KCNH7: variants seen among roughly 807,000 people sequenced by gnomAD.
KCNH7 encodes the protein potassium voltage-gated channel subfamily H member 7, also known as voltage-gated inwardly rectifying potassium channel KCNH7.
A neutral mutation model predicts 120.8 loss-of-function variants in KCNH7; 49 were observed. That is an observed-to-expected ratio of 0.41 (90% CI 0.32 to 0.51). KCNH7 has a LOEUF of 0.51. KCNH7 is among the 20% of genes least tolerant of loss of function. The probability of loss-of-function intolerance (pLI) is 0.38; values close to 1 mark genes in which losing one functional copy is unlikely to be tolerated. For missense variants in KCNH7, 1,097 were observed against 1,446.6 expected (o/e 0.76, Z 3.92); for synonymous variants, 547 against 516.1 (o/e 1.06, Z -0.81).
chr2:162,373,219 T>TA (rs199565037), intron 15 of KCNH7, among the ~76,000 whole-genome samples: 2,520 of 152,102 alleles, frequency 0.017, 35 homozygotes, highest in African/African-American at 0.019. Context: ...GTTTTCCTTT[T>TA]AAAAAAAATG....
At chr2:162,466,925 G>C (rs902655619) in intron 6 of KCNH7, among the ~76,000 whole-genome samples, 33 of 152,152 alleles carry the variant, frequency 2.2e-4, no homozygotes, top group Non-Finnish European at 4.3e-4. Context: ...AAAATGAAGA[G>C]AGGCATCAAT....
intron 14 of KCNH7, among the ~76,000 whole-genome samples, chr2:162,376,400 C>G (rs1686183802): frequency 6.8e-6 from 1 of 147,100 alleles, no homozygotes; most frequent in South Asian, 2.1e-4. Flanking sequence ...GAGTCTTGCT[C>G]TGTCGCCCAG....
intron 2 of KCNH7, among the ~76,000 whole-genome samples, chr2:162,633,708 G>A (rs967787531): frequency 4.0e-4 from 60 of 151,810 alleles, no homozygotes; most frequent in African/African-American, 1.5e-3. Context: ...CATTTTGAAT[G>A]CATCCATTTT....
intron 2 of KCNH7, among the ~76,000 whole-genome samples, chr2:162,822,861 T>C (rs1685161885): frequency 6.6e-6 from 1 of 152,166 alleles, no homozygotes; most frequent in African/African-American, 2.4e-5. Flanking sequence ...AGGATTGAGG[T>C]GTCAAAGGCA....
rs553137466 is a variant in KCNH7 at position 162,812,868 on chromosome 2, G to A, written c.307+23669C>T. Among the ~76,000 whole-genome samples the A allele has an allele frequency of 5.9e-4, 90 of 152,208 alleles. 1 individual carries two copies. The highest frequency in any genetic ancestry group is 1.8e-3 in the African/African-American group (74 of 41,564). The stretch of plus-strand genomic sequence containing the variant: ...AGTTGACCGGAGTGTATTTCAGGAA[G>A]GACTAGATGACCTTGGAGTAACTGG... On this transcript the variant is annotated intron_variant, in intron 2 of 15. Coordinates refer to ENST00000332142, the MANE Select transcript of KCNH7 (RefSeq NM_033272.4).
intron 7 of KCNH7, among the ~76,000 whole-genome samples, chr2:162,436,274 T>C (rs1688234911): frequency 6.6e-6 from 1 of 152,042 alleles, no homozygotes. Context: ...AGCCCCTTCT[T>C]CCCATAACTG....
chr2:162,620,896 C>G (rs80093065), intron 2 of KCNH7, among the ~76,000 whole-genome samples: 2 of 152,020 alleles, frequency 1.3e-5, no homozygotes, highest in Non-Finnish European at 2.9e-5. Flanking sequence ...ACAGATTATC[C>G]GAACTGGGAC....
intron 2 of KCNH7, among the ~76,000 whole-genome samples, chr2:162,616,419 C>T (rs570152918): frequency 4.7e-4 from 72 of 152,272 alleles, no homozygotes; most frequent in African/African-American, 1.7e-3. Flanking sequence ...GAGAAGTAAA[C>T]TGAACTTTAG....
chr2:162,482,036 T>C (rs1169219126), intron 6 of KCNH7, among the ~76,000 whole-genome samples: 1 of 152,142 alleles, frequency 6.6e-6, no homozygotes, highest in African/African-American at 2.4e-5. Context: ...TTTTTCATCA[T>C]CATCATTATC....
intron 2 of KCNH7, among the ~76,000 whole-genome samples, chr2:162,784,408 T>G (rs1028876920): frequency 1.1e-4 from 17 of 152,244 alleles, no homozygotes; most frequent in African/African-American, 3.9e-4. Flanking sequence ...TGTTCCTTCC[T>G]TCAACCTCTG....
chr2:162,492,491 T>C (rs56355842), intron 6 of KCNH7, among the ~76,000 whole-genome samples: 13,239 of 152,216 alleles, frequency 0.087, 1,885 homozygotes, highest in African/African-American at 0.3. Flanking sequence ...AATACCTTTG[T>C]GACTTTTTAC....
chr2:162,496,479 T>C (rs1690503103), intron 6 of KCNH7, among the ~76,000 whole-genome samples: 1 of 152,094 alleles, frequency 6.6e-6, no homozygotes, highest in Non-Finnish European at 1.5e-5. Context: ...CTTAGATATA[T>C]AGAAGCCTTT....
At chr2:162,445,791 G>T (rs560695840) in intron 7 of KCNH7, among the ~76,000 whole-genome samples, 10 of 152,228 alleles carry the variant, frequency 6.6e-5, no homozygotes, top group African/African-American at 2.4e-4. Context: ...AGTTTAATTT[G>T]GTGGGTAAAG....
chr2:162,391,567 A>T (rs1157496764), intron 12 of KCNH7, among the ~76,000 whole-genome samples: 4 of 152,050 alleles, frequency 2.6e-5, no homozygotes, highest in African/African-American at 9.7e-5. Context: ...TAGCATCTAC[A>T]CTTTATACGA....
intron 2 of KCNH7, among the ~76,000 whole-genome samples, chr2:162,752,904 AAAAGAAAAGAAAAGAAAAGAAAAGAAAAG>A (rs1688614073): frequency 7.9e-5 from 4 of 50,926 alleles, no homozygotes; most frequent in Admixed American, 1.8e-4. Context: ...ACATCTCAGA[AAAAGAAAAGAAAAGAAAAGAAAAGAAAAG>A]AAAAGAAAAG....
Position 162,588,769 on chromosome 2 carries a change from T to G in KCNH7, c.308-51689A>C, listed in dbSNP as rs78895681. ...CTCCTTCTAGCTATTTGAAACTATA[T>G]AATACATCATTGTTAACTACACTCA... On this transcript the variant is annotated intron_variant, in intron 2 of 15. Transcript: ENST00000332142. 5.9e-5 allele frequency among the ~76,000 whole-genome samples: 9 copies of G among 152,218 alleles called. No homozygotes were observed. In the East Asian group the frequency reaches 1.7e-3, roughly 30 times the overall value.
intron 2 of KCNH7, among the ~76,000 whole-genome samples, chr2:162,654,981 G>C (rs1398817963): frequency 1.3e-5 from 2 of 152,134 alleles, no homozygotes; most frequent in African/African-American, 2.4e-5. Context: ...ACAGGGGAAG[G>C]GGAGGAGCAG....
intron 6 of KCNH7, among the ~76,000 whole-genome samples, chr2:162,480,054 T>A (rs957445817): frequency 6.6e-6 from 1 of 152,104 alleles, no homozygotes; most frequent in Non-Finnish European, 1.5e-5. Context: ...TTTTAAGACA[T>A]TAGGAGAGGA....
intron 6 of KCNH7, among the ~76,000 whole-genome samples, chr2:162,453,435 T>C (rs1431037619): frequency 6.6e-6 from 1 of 152,208 alleles, no homozygotes; most frequent in Non-Finnish European, 1.5e-5. Context: ...CATGTGCATG[T>C]GTCTTTATAG....
Sources: gnomAD v4.1 joint callset for allele counts (sites outside exome capture counted in the v4.1 genomes callset) on GRCh38, gnomAD v4.1.1 for gene constraint, MANE v1.5 for transcripts, NCBI Gene and HGNC (gene_info 2026-07-23, HGNC 2026-07-21) for gene names.